Variants in NEGR1 observed in about 807,000 individuals in gnomAD.
NEGR1 encodes the protein neuronal growth regulator 1, also known as IgLON family member 4.
NEGR1 carries 10 observed loss-of-function variants against 40.9 expected under a neutral mutation model. The ratio of observed to expected loss-of-function variants is 0.24; its 90% CI spans 0.15 to 0.42. NEGR1 has a LOEUF of 0.42. NEGR1 is among the 10% of genes least tolerant of loss of function. NEGR1 has a pLI of 1.00. For synonymous variants in NEGR1, 185 were observed against 166.8 expected, an observed-to-expected ratio of 1.11 and a Z score of -0.84; for missense variants, 352 against 438.9, an observed-to-expected ratio of 0.80 and a Z score of 1.77.
intron 2 of NEGR1, among the ~76,000 whole-genome samples, chr1:71,932,368 C>A (rs948901812): frequency 1.3e-5 from 2 of 150,788 alleles, no homozygotes; most frequent in African/African-American, 4.9e-5. Flanking sequence ...TGTCTTATGT[C>A]TCTTTTGAAA....
intron 2 of NEGR1, among the ~76,000 whole-genome samples, chr1:71,871,551 T>C (rs2101833433): frequency 6.6e-6 from 1 of 152,332 alleles, no homozygotes; most frequent in African/African-American, 2.4e-5. Context: ...AGCAGCCCTG[T>C]CAGTTGCATA....
intron 6 of NEGR1, among the ~76,000 whole-genome samples, chr1:71,473,849 C>CTAT (rs1646800466): frequency 6.6e-6 from 1 of 151,838 alleles, no homozygotes; most frequent in African/African-American, 2.4e-5. Context: ...GCATATATTG[C>CTAT]TTAATACTAT....
At chr1:71,792,274 C>T (rs1016832218) in intron 2 of NEGR1, among the ~76,000 whole-genome samples, 1 of 152,084 alleles carries the variant, frequency 6.6e-6, no homozygotes, top group Non-Finnish European at 1.5e-5. Flanking sequence ...GTTTCTCCCC[C>T]TATGATATGA....
chr1:72,011,976 G>A (rs1304407073), intron 1 of NEGR1, among the ~76,000 whole-genome samples: 1 of 152,098 alleles, frequency 6.6e-6, no homozygotes, highest in Non-Finnish European at 1.5e-5. Context: ...CTTACGTTTT[G>A]TTAAAGAGCC....
chr1:72,177,373 G>A (rs1033994595), intron 1 of NEGR1, among the ~76,000 whole-genome samples: 20 of 152,106 alleles, frequency 1.3e-4, no homozygotes, highest in African/African-American at 4.8e-4. Context: ...CTCCAACTGA[G>A]AATCACATAT....
chr1:71,976,793 A>G (rs928795749), intron 1 of NEGR1, among the ~76,000 whole-genome samples: 1 of 152,170 alleles, frequency 6.6e-6, no homozygotes, highest in African/African-American at 2.4e-5. Flanking sequence ...AGTAATAGAT[A>G]TGTTTTGAGT....
At chr1:71,799,513 ATG>A (rs1657476753) in intron 2 of NEGR1, among the ~76,000 whole-genome samples, 1 of 152,172 alleles carries the variant, frequency 6.6e-6, no homozygotes, top group African/African-American at 2.4e-5. Flanking sequence ...ATAGGTGAGC[ATG>A]TGTCTTTTTG....
rs1048115850 is a variant in NEGR1, at chr1:71,432,813, C to A, written c.941-25243G>T. Among the ~76,000 whole-genome samples, 47 of 152,150 alleles carry A rather than the reference C, an allele frequency of 3.1e-4. 1 individual carries two copies. The highest frequency in any genetic ancestry group is 1.2e-4 in the Non-Finnish European group (8 of 68,030). On this transcript the variant is annotated intron_variant, in intron 6 of 6. Coordinates refer to ENST00000357731, the MANE Select transcript of NEGR1 (RefSeq NM_173808.3). Reference sequence around the variant, plus strand: ...TAACCTGTTTTACCAGGATCCAAGCCCCCATTCTTGAGCAGATATATAAGC... The same window carrying A: ...TAACCTGTTTTACCAGGATCCAAGCACCCATTCTTGAGCAGATATATAAGC...
At chr1:72,147,493 T>C (rs1184707818) in intron 1 of NEGR1, among the ~76,000 whole-genome samples, 1 of 152,134 alleles carries the variant, frequency 6.6e-6, no homozygotes, top group East Asian at 1.9e-4. Context: ...GGACATACCA[T>C]GCAAGTTGAT....
chr1:72,113,708 C>G (rs1487525895), intron 1 of NEGR1, among the ~76,000 whole-genome samples: 1 of 151,752 alleles, frequency 6.6e-6, no homozygotes, highest in South Asian at 2.1e-4. Context: ...TAAGCAGATT[C>G]AAACTGTGAT....
intron 2 of NEGR1, among the ~76,000 whole-genome samples, chr1:71,820,394 G>T (rs1305237928): frequency 6.6e-6 from 1 of 151,942 alleles, no homozygotes; most frequent in Non-Finnish European, 1.5e-5. Flanking sequence ...CAATTATATG[G>T]TAAGTGTACA....
intron 1 of NEGR1, among the ~76,000 whole-genome samples, chr1:72,043,030 G>A (rs1646969570): frequency 6.6e-6 from 1 of 151,808 alleles, no homozygotes; most frequent in Admixed American, 6.6e-5. Flanking sequence ...TTTATTGCTA[G>A]GGGGTGGGAG....
At chr1:72,173,900 G>T (rs1652058385) in intron 1 of NEGR1, among the ~76,000 whole-genome samples, 1 of 152,052 alleles carries the variant, frequency 6.6e-6, no homozygotes, top group Admixed American at 6.5e-5. Context: ...CCAAGATCAT[G>T]CCACTGCACT....
chr1:71,406,835 A>T lies in NEGR1; in HGVS notation c.*611T>A, dbSNP rs1362483692. The T allele has an allele frequency of 6.6e-6, 1 of 152,500 alleles. No individual in the cohort carries two copies. The highest frequency in any genetic ancestry group is 2.4e-5 in the African/African-American group (1 of 41,442). 9.4% of individuals were successfully genotyped at this position (152,500 alleles called of 1,614,324 possible). A position where few individuals can be genotyped will look rare whatever the true frequency, so the allele number is the denominator to read the frequency against. Reference sequence around the variant, plus strand: ...GAGAAAAATATTATTGTATGAAGGCACACCCATGCTGAACTTACAGGAAAG... The same window carrying T: ...GAGAAAAATATTATTGTATGAAGGCTCACCCATGCTGAACTTACAGGAAAG... On this transcript the variant is annotated 3_prime_UTR_variant, in exon 7 of 7. Transcript: ENST00000357731.
intron 1 of NEGR1, among the ~76,000 whole-genome samples, chr1:71,960,779 G>C (rs1281733160): frequency 6.6e-6 from 1 of 152,026 alleles, no homozygotes. Context: ...TCTAATTTTG[G>C]TTAATTTCAT....
intron 6 of NEGR1, among the ~76,000 whole-genome samples, chr1:71,551,395 G>A (rs1279758903): frequency 6.6e-6 from 1 of 151,528 alleles, no homozygotes; most frequent in Non-Finnish European, 1.5e-5. Context: ...AGCCATACAT[G>A]TACATATACA....
At chr1:72,093,164 C>T (rs1013208450) in intron 1 of NEGR1, among the ~76,000 whole-genome samples, 5 of 151,742 alleles carry the variant, frequency 3.3e-5, no homozygotes, top group Non-Finnish European at 7.4e-5. Flanking sequence ...AACTCTGTCC[C>T]TTATAAAAAT....
rs529135544 is a variant in NEGR1 at position 71,398,379 on chromosome 1, G to C, written c.*9067C>G. The C allele has an allele frequency of 6.4e-6, 1 of 155,728 alleles. No individual in the cohort carries two copies. The highest frequency in any genetic ancestry group is 2.4e-5 in the African/African-American group (1 of 41,542). 9.6% of individuals were successfully genotyped at this position (155,728 alleles called of 1,614,324 possible). On this transcript the variant is annotated 3_prime_UTR_variant, in exon 7 of 7. Coordinates refer to ENST00000357731, the MANE Select transcript of NEGR1 (RefSeq NM_173808.3). ...AAGCTGCAGAGGCGGAGCTGCCTAAGGCCATGGGAGCCCACCTCTTGCATC... is the reference window on the plus strand; with the variant it reads ...AAGCTGCAGAGGCGGAGCTGCCTAACGCCATGGGAGCCCACCTCTTGCATC...
chr1:71,757,900 G>A lies in NEGR1; in HGVS notation c.535+18272C>T, dbSNP rs1030265753. On this transcript the variant is annotated intron_variant, in intron 3 of 6. Coordinates refer to ENST00000357731, the MANE Select transcript of NEGR1 (RefSeq NM_173808.3). ...TTATCTGTCCTCAAACAACTTCTAC[G>A]TAAAAAATGAAGTATATGGTAAATT... 6.6e-5 allele frequency among the ~76,000 whole-genome samples: 10 copies of A among 152,002 alleles called. No individual in the cohort carries two copies. In the Middle Eastern group the frequency reaches 0.01, roughly 155 times the overall value.
Sources: gnomAD v4.1 joint callset for allele counts (sites outside exome capture counted in the v4.1 genomes callset) on GRCh38, gnomAD v4.1.1 for gene constraint, MANE v1.5 for transcripts, NCBI Gene and HGNC (gene_info 2026-07-23, HGNC 2026-07-21) for gene names.